The following RNF121 variants were observed in gnomAD, a reference collection of about 807,000 sequenced individuals.
RNF121 encodes the protein ring finger protein 121.
A neutral mutation model predicts 46.5 loss-of-function variants in RNF121; 21 were observed. That is an observed-to-expected ratio of 0.45 (90% confidence interval 0.32 to 0.65). The LOEUF (loss-of-function observed/expected upper bound fraction) is 0.65. RNF121 is among the 30% of genes least tolerant of loss of function. RNF121 has a pLI of 0.04. For synonymous variants in RNF121, 139 were observed against 144.7 expected (o/e 0.96, Z 0.28); for missense variants, 346 against 416.0 (o/e 0.83, Z 1.46).
intron 3 of RNF121, among the ~76,000 whole-genome samples, chr11:71,968,966 A>C (rs1020051717): frequency 6.7e-6 from 1 of 149,162 alleles, no homozygotes; most frequent in African/African-American, 2.5e-5. Flanking sequence ...GCTCACTGCA[A>C]CCTCCGCCTC....
intron 3 of RNF121, among the ~76,000 whole-genome samples, chr11:71,968,575 G>A (rs79488726): frequency 0.011 from 1,703 of 152,278 alleles, 36 homozygotes; most frequent in African/African-American, 0.039. Context: ...TTCTAGAGAG[G>A]AGAAGCAGAG....
intron 3 of RNF121, among the ~76,000 whole-genome samples, chr11:71,967,349 GT>G (rs770121817): frequency 1.1e-4 from 11 of 100,542 alleles, no homozygotes; most frequent in Admixed American, 2.9e-4. Context: ...GGTTTTTTTT[GT>G]TTTTTTTTTT....
intron 1 of RNF121, among the ~76,000 whole-genome samples, chr11:71,938,175 G>A (rs1010135505): frequency 1.3e-5 from 2 of 152,148 alleles, no homozygotes; most frequent in African/African-American, 4.8e-5. Flanking sequence ...ATAGGATTGA[G>A]CCTAACTACC....
intron 3 of RNF121, among the ~76,000 whole-genome samples, chr11:71,976,254 T>A (rs960682805): frequency 2.0e-5 from 3 of 151,798 alleles, no homozygotes; most frequent in Non-Finnish European, 4.4e-5. Flanking sequence ...CTTTGTATAG[T>A]GTGGCCCCAA....
chr11:71,950,532 C>T (rs551528260), intron 1 of RNF121, among the ~76,000 whole-genome samples: 12 of 151,422 alleles, frequency 7.9e-5, no homozygotes, highest in African/African-American at 2.4e-4. Context: ...TGCAGTGAAC[C>T]GAGATCATGC....
intron 3 of RNF121, among the ~76,000 whole-genome samples, chr11:71,980,784 T>C (rs1241080244): frequency 6.6e-6 from 1 of 152,242 alleles, no homozygotes; most frequent in East Asian, 1.9e-4. Context: ...ACTTGAAATG[T>C]AGCTAGTCTG....
rs746004604 is a variant in RNF121 at position 71,940,338 on chromosome 11, C to T, written c.63+11214C>T. 7.2e-5 allele frequency among the ~76,000 whole-genome samples: 11 copies of T among 151,828 alleles called. No individual in the cohort carries two copies. The East Asian group carries it at 1.4e-3, about 19-fold the overall frequency. ...ATAAGAAGTACTAAATGTTTTTTTC[C>T]GGTAGAAAAAAACAAAGTACTGTAG... On this transcript the variant is annotated intron_variant, in intron 1 of 8. Coordinates refer to ENST00000361756, the MANE Select transcript of RNF121 (RefSeq NM_018320.5).
At chr11:71,983,351 G>C (rs979762287) in intron 4 of RNF121, among the ~76,000 whole-genome samples, 1 of 152,092 alleles carries the variant, frequency 6.6e-6, no homozygotes, top group Non-Finnish European at 1.5e-5. Context: ...CTCTAACTCT[G>C]GGATCAGGAA....
At chr11:71,941,236 C>T (rs1376794987) in intron 1 of RNF121, among the ~76,000 whole-genome samples, 3 of 152,274 alleles carry the variant, frequency 2.0e-5, no homozygotes, top group African/African-American at 7.2e-5. Flanking sequence ...CGAGATGATG[C>T]GGACCTGAGC....
rs1471729089 is a variant in RNF121 at position 71,929,086 on chromosome 11, G to T, written c.25G>T (p.Val9Phe). 1.3e-6 allele frequency: 2 copies of T among 1,551,694 alleles called. No homozygotes were observed. The highest frequency in any genetic ancestry group is 8.7e-7 in the Non-Finnish European group (1 of 1,147,062). MAAVVEVE[V>F]GGGAAGEREL... ...GATGGCGGCAGTGGTGGAGGTGGAG[G>T]TTGGAGGTGGTGCTGCTGGGGAACG... The change falls in exon 1 of 9, where the codon GTT becomes TTT. Residue 9 changes from valine to phenylalanine, a missense_variant. Val to Phe is a conservative substitution (Grantham distance 50). Coordinates refer to ENST00000361756, the MANE Select transcript of RNF121 (RefSeq NM_018320.5).
intron 1 of RNF121, among the ~76,000 whole-genome samples, chr11:71,932,387 G>A (rs185464720): frequency 1.7e-3 from 261 of 152,352 alleles, no homozygotes; most frequent in African/African-American, 5.9e-3. Flanking sequence ...TACAGCTTCT[G>A]ATCCAGGCCT....
intron 1 of RNF121, among the ~76,000 whole-genome samples, chr11:71,932,477 G>A (rs1293701947): frequency 1.3e-5 from 2 of 152,182 alleles, no homozygotes; most frequent in South Asian, 2.1e-4. Context: ...GTGCTCTAGG[G>A]GGTGGGAACT....
chr11:71,948,604 A>G (rs188658716), intron 1 of RNF121, among the ~76,000 whole-genome samples: 57 of 148,556 alleles, frequency 3.8e-4, no homozygotes, highest in Non-Finnish European at 6.5e-4. Flanking sequence ...AAGGGCAGGC[A>G]GCAGCTGTAG....
At chr11:71,988,984 A>G (rs556914894) in intron 5 of RNF121, among the ~76,000 whole-genome samples, 2 of 152,322 alleles carry the variant, frequency 1.3e-5, no homozygotes, top group African/African-American at 2.4e-5. Context: ...AAGAAAACAG[A>G]TATCTCCTGG....
chr11:71,929,087 T>C lies in RNF121; in HGVS notation c.26T>C (p.Val9Ala), dbSNP rs749667424. MAAVVEVE[V>A]GGGAAGEREL... Reference sequence around the variant, plus strand: ...ATGGCGGCAGTGGTGGAGGTGGAGGTTGGAGGTGGTGCTGCTGGGGAACGG... The same window carrying C: ...ATGGCGGCAGTGGTGGAGGTGGAGGCTGGAGGTGGTGCTGCTGGGGAACGG... Residue 9 changes from valine to alanine, a missense_variant, in exon 1 of 9, where the codon GTT (valine) becomes GCT (alanine). Around this residue, in one of 2 missense-constraint regions of RNF121, gnomAD observed 60 missense variants for 32.2 expected, o/e 1.86. Coordinates refer to ENST00000361756, the MANE Select transcript of RNF121 (RefSeq NM_018320.5). 2 of 1,549,284 alleles carry C rather than the reference T, an allele frequency of 1.3e-6. No homozygotes were observed. The highest frequency in any genetic ancestry group is 2.4e-5 in the South Asian group (2 of 83,920).
At chr11:71,987,176 T>A in intron 5 of RNF121, 65 bp downstream of exon 5, 1 of 1,032,870 alleles carries the variant, frequency 9.7e-7, no homozygotes, top group Non-Finnish European at 1.5e-6. Flanking sequence ...GATGTACCTC[T>A]TGTTGCAAGT....
At chr11:71,964,006 AT>A (rs1954208048) in intron 3 of RNF121, among the ~76,000 whole-genome samples, 1 of 152,182 alleles carries the variant, frequency 6.6e-6, no homozygotes, top group South Asian at 2.1e-4. Context: ...GTCCTTTGCA[AT>A]TCCTTATTAA....
chr11:71,977,877 C>T (rs1369214683), intron 3 of RNF121, among the ~76,000 whole-genome samples: 3 of 152,196 alleles, frequency 2.0e-5, no homozygotes, highest in African/African-American at 7.2e-5. Context: ...CTTTCCACAG[C>T]ATCAGGCACA....
rs775044183 is a variant in RNF121, at chr11:71,987,006, T to G, written c.401T>G (p.Leu134Trp). ...RKPLVQTTPR[L>W]VYKWFLLIYK... Reference sequence around the variant, plus strand: ...CTAACCTTCTCTCCTTTCCCCAGGTTGGTTTATAAGTGGTTCCTGCTAATC... The same window carrying G: ...CTAACCTTCTCTCCTTTCCCCAGGTGGGTTTATAAGTGGTTCCTGCTAATC... Residue 134 changes from leucine to tryptophan, a missense_variant and splice_region_variant, in exon 5 of 9, where the codon TTG (leucine) becomes TGG (tryptophan). Around this residue, in one of 2 missense-constraint regions of RNF121, gnomAD observed 286 missense variants for 383.8 expected, o/e 0.75. Coordinates refer to ENST00000361756, the MANE Select transcript of RNF121 (RefSeq NM_018320.5). 1.9e-6 allele frequency: 3 copies of G among 1,593,374 alleles called. No homozygotes were observed. The highest frequency in any genetic ancestry group is 2.6e-6 in the Non-Finnish European group (3 of 1,161,208).
Sources: gnomAD v4.1 joint callset for allele counts (sites outside exome capture counted in the v4.1 genomes callset) on GRCh38, gnomAD v4.1.1 for gene constraint, gnomAD v4.1.1 regional missense constraint, MANE v1.5 for transcripts, NCBI Gene and HGNC (gene_info 2026-07-23, HGNC 2026-07-21) for gene names.